KCNN2: variants seen among roughly 807,000 people sequenced by gnomAD.
The protein encoded by KCNN2 is small conductance calcium-activated potassium channel protein 2.
In KCNN2, 24 loss-of-function variants were observed where a neutral mutation model predicts 55.5. The ratio of observed to expected loss-of-function variants is 0.43; its 90% CI spans 0.31 to 0.61. The LOEUF is 0.61. Among genes scored for constraint, KCNN2 ranks in the 20% least tolerant of loss-of-function variants. KCNN2 has a pLI of 0.08. For missense variants in KCNN2, 754 were observed against 853.6 expected, an observed-to-expected ratio of 0.88 and a Z score of 1.45; for synonymous variants, 431 against 336.1, an observed-to-expected ratio of 1.28 and a Z score of -3.09.
intron 2 of KCNN2, among the ~76,000 whole-genome samples, chr5:114,308,467 T>C (rs1756333517): frequency 6.6e-6 from 1 of 152,222 alleles, no homozygotes; most frequent in South Asian, 2.1e-4. Flanking sequence ...TGACTGATGC[T>C]TGATCCTGTA....
chr5:114,291,337 C>T (rs573674104), intron 2 of KCNN2, among the ~76,000 whole-genome samples: 2 of 152,152 alleles, frequency 1.3e-5, no homozygotes, highest in African/African-American at 2.4e-5. Flanking sequence ...TATCCCTCCC[C>T]CCTCTCCTCA....
At chr5:114,313,884 T>C (rs915241966) in intron 2 of KCNN2, among the ~76,000 whole-genome samples, 1 of 152,206 alleles carries the variant, frequency 6.6e-6, no homozygotes. Flanking sequence ...GGTTGCTTCA[T>C]GAAATGTTTT....
At chr5:114,245,993 A>G (rs1275756153) in intron 2 of KCNN2, among the ~76,000 whole-genome samples, 1 of 152,228 alleles carries the variant, frequency 6.6e-6, no homozygotes, top group African/African-American at 2.4e-5. Context: ...TATTAGACAT[A>G]TAAACAGATT....
chr5:114,478,511 A>C (rs1410100122), intron 5 of KCNN2, among the ~76,000 whole-genome samples: 1 of 152,112 alleles, frequency 6.6e-6, no homozygotes, highest in Non-Finnish European at 1.5e-5. Context: ...TCAGCCTAGC[A>C]AGACAGGCCA....
intron 1 of KCNN2, among the ~76,000 whole-genome samples, chr5:114,138,705 T>C (rs1752217671): frequency 1.3e-5 from 2 of 152,172 alleles, no homozygotes; most frequent in African/African-American, 2.4e-5. Context: ...TGCAGATCCA[T>C]TTCCACTGTA....
intron 1 of KCNN2, among the ~76,000 whole-genome samples, chr5:114,069,570 G>A (rs964817488): frequency 1.3e-5 from 2 of 151,888 alleles, no homozygotes; most frequent in African/African-American, 2.4e-5. Context: ...CTAAATTACT[G>A]TGGGTTTCCA....
intron 1 of KCNN2, among the ~76,000 whole-genome samples, chr5:114,157,539 T>C (rs1752662600): frequency 6.6e-6 from 1 of 152,152 alleles, no homozygotes; most frequent in Admixed American, 6.5e-5. Flanking sequence ...GATGGCTGGG[T>C]CAAATGGTAT....
At chr5:114,370,728 C>T (rs1486030013) in intron 2 of KCNN2, among the ~76,000 whole-genome samples, 3 of 151,970 alleles carry the variant, frequency 2.0e-5, no homozygotes, top group Non-Finnish European at 4.4e-5. Flanking sequence ...ATAGGCCAAG[C>T]AGGAGCAGAA....
At chr5:114,183,997 GC>G (rs1284012696) in intron 1 of KCNN2, among the ~76,000 whole-genome samples, 2 of 152,112 alleles carry the variant, frequency 1.3e-5, no homozygotes, top group Non-Finnish European at 1.5e-5. Context: ...AAAGATATAT[GC>G]CTTGATAATG....
At chr5:114,070,946 T>C (rs1339852289) in intron 1 of KCNN2, among the ~76,000 whole-genome samples, 1 of 152,234 alleles carries the variant, frequency 6.6e-6, no homozygotes, top group Non-Finnish European at 1.5e-5. Flanking sequence ...TTTCAACATA[T>C]TCGTATATTA....
At chr5:114,122,799 A>G (rs1412890528) in intron 1 of KCNN2, among the ~76,000 whole-genome samples, 3 of 152,224 alleles carry the variant, frequency 2.0e-5, no homozygotes, top group African/African-American at 7.2e-5. Flanking sequence ...CACCTGGAAG[A>G]GAAGGCTGCT....
rs117164820 is a variant in KCNN2 at position 114,256,450 on chromosome 5, T to C, written c.-185+34885T>C. Among the ~76,000 whole-genome samples, 9 of 152,326 alleles carry C rather than the reference T, an allele frequency of 5.9e-5. 1 individual carries two copies. The East Asian group carries it at 1.7e-3, about 29-fold the overall frequency. ...TCTATTTTTAGTTCTTTGAGAAATC[T>C]CCATACTGTTGTCCATAGATGTTGT... On this transcript the variant is annotated intron_variant, in intron 2 of 10. Coordinates refer to the KCNN2 transcript ENST00000512097.
At chr5:114,171,772 C>G (rs745882719) in intron 1 of KCNN2, among the ~76,000 whole-genome samples, 15 of 151,532 alleles carry the variant, frequency 9.9e-5, no homozygotes, top group Non-Finnish European at 1.9e-4. Context: ...GGGCTACTCA[C>G]TAATGATTTT....
At chr5:114,179,643 C>CA (rs1207618478) in intron 1 of KCNN2, among the ~76,000 whole-genome samples, 2 of 149,910 alleles carry the variant, frequency 1.3e-5, no homozygotes, top group African/African-American at 2.5e-5. Flanking sequence ...AAATGTCAAA[C>CA]TTTTTTTTTT....
chr5:114,067,209 C>T (rs976846445), intron 1 of KCNN2, among the ~76,000 whole-genome samples: 2 of 152,188 alleles, frequency 1.3e-5, no homozygotes, highest in Admixed American at 1.3e-4. Context: ...AATATTGTTC[C>T]TAGATGGCAT....
intron 2 of KCNN2, among the ~76,000 whole-genome samples, chr5:114,273,554 C>A (rs1168521136): frequency 6.6e-6 from 1 of 152,122 alleles, no homozygotes; most frequent in East Asian, 1.9e-4. Flanking sequence ...TTCTAACTGG[C>A]ATGAGATGGT....
intron 1 of KCNN2, among the ~76,000 whole-genome samples, chr5:114,153,570 T>G (rs1048351798): frequency 3.3e-5 from 5 of 152,182 alleles, no homozygotes; most frequent in Admixed American, 2.6e-4. Flanking sequence ...CAAACCCTAA[T>G]GTCCACAAGG....
At chr5:114,414,216 A>T (rs766113446) in intron 3 of KCNN2, among the ~76,000 whole-genome samples, 64 of 152,174 alleles carry the variant, frequency 4.2e-4, no homozygotes, top group Non-Finnish European at 6.8e-4. Flanking sequence ...ACATGCCATA[A>T]AAAAAGACAT....
chr5:114,120,333 C>G lies in KCNN2; in HGVS notation c.-271+63833C>G, dbSNP rs181763075. 2.5e-3 allele frequency among the ~76,000 whole-genome samples: 380 copies of G among 152,260 alleles called. 3 individuals carry two copies. Among genetic ancestry groups the G allele is most frequent in the Non-Finnish European group, 2.7e-3 (186 of 68,014 alleles). On this transcript the variant is annotated intron_variant, in intron 1 of 10. Transcript: ENST00000512097. ...GGGGCTGTTGATTAATAGGATTACA[C>G]TGGAGTGATTACAGCTGCCAATTTG...
Sources: gnomAD v4.1 joint callset for allele counts (sites outside exome capture counted in the v4.1 genomes callset) on GRCh38, gnomAD v4.1.1 for gene constraint, MANE v1.5 for transcripts, NCBI Gene and HGNC (gene_info 2026-07-23, HGNC 2026-07-21) for gene names.